The following RRAGC variants were observed in gnomAD, a reference collection of about 807,000 sequenced individuals.
RRAGC encodes Ras related GTP binding C.
RRAGC carries 8 observed loss-of-function variants against 37.1 expected under a neutral mutation model. That is an observed-to-expected ratio of 0.22 (90% CI 0.13 to 0.39). RRAGC has a LOEUF of 0.39. Among genes scored for constraint, RRAGC ranks in the 10% least tolerant of loss-of-function variants. RRAGC has a pLI of 1.00. For missense variants in RRAGC, 342 were observed against 497.6 expected, an observed-to-expected ratio of 0.69 and a Z score of 2.98; for synonymous variants, 190 against 181.1, an observed-to-expected ratio of 1.05 and a Z score of -0.39.
intron 6 of RRAGC, among the ~76,000 whole-genome samples, chr1:38,842,088 C>A (rs1641970558): frequency 6.6e-6 from 1 of 152,082 alleles, no homozygotes; most frequent in Non-Finnish European, 1.5e-5. Flanking sequence ...CTGGCTAACA[C>A]AGTGAAACCC....
chr1:38,857,867 G>A (rs1642186348), intron 1 of RRAGC, among the ~76,000 whole-genome samples: 1 of 152,174 alleles, frequency 6.6e-6, no homozygotes, highest in Non-Finnish European at 1.5e-5. Context: ...AGCTGAGGCA[G>A]GAGAATCACT....
At position 38,848,396 on chromosome 1, in the gene RRAGC, A is replaced by G. The variant is rs966755645; in HGVS notation, c.900-2309T>C. On this transcript the variant is annotated intron_variant, in intron 5 of 6. Coordinates refer to ENST00000373001, the MANE Select transcript of RRAGC (RefSeq NM_022157.4). ...GACAACCCTAAAGATGATTCCCTAA[A>G]CCAGTACCCACAGCCAGCAACTGTA... Among the ~76,000 whole-genome samples the G allele has an allele frequency of 6.1e-4, 93 of 152,122 alleles. 1 individual carries two copies. The highest frequency in any genetic ancestry group is 1.2e-4 in the Non-Finnish European group (8 of 68,014).
chr1:38,842,000 T>G (rs577439057), intron 6 of RRAGC, among the ~76,000 whole-genome samples: 1 of 150,922 alleles, frequency 6.6e-6, no homozygotes, highest in South Asian at 2.1e-4. Context: ...GCTGGGGGCG[T>G]GGTGGCGGGT....
At chr1:38,852,122 C>G (rs371450231) in intron 4 of RRAGC, among the ~76,000 whole-genome samples, 19 of 152,310 alleles carry the variant, frequency 1.2e-4, no homozygotes, top group African/African-American at 4.6e-4. Context: ...AATTACTTTG[C>G]TATCAAGAAA....
intron 4 of RRAGC, 63 bp downstream of exon 4, chr1:38,852,311 C>G: frequency 1.0e-6 from 1 of 954,460 alleles, no homozygotes; most frequent in South Asian, 1.4e-5. Context: ...TTTGAAAACA[C>G]AAATATATTC....
intron 3 of RRAGC, among the ~76,000 whole-genome samples, chr1:38,853,061 C>T (rs185541093): frequency 1.2e-4 from 18 of 152,306 alleles, no homozygotes; most frequent in Admixed American, 1.0e-3. Context: ...ATGTTAAGTT[C>T]CAGGGGAAAG....
Position 38,838,370 on chromosome 1 carries a change from T to C in RRAGC, c.*1183A>G, listed in dbSNP as rs1373456636. On this transcript the variant is annotated 3_prime_UTR_variant, in exon 7 of 7. Transcript: ENST00000373001. ...ACACTGTTAGCTTTACAGACCTGAA[T>C]ATACATATTGCATTAAACAGTGGCA... is the stretch of plus-strand genomic sequence containing the variant. 1 of 152,246 alleles carries C rather than the reference T, an allele frequency of 6.6e-6. No individual in the cohort carries two copies. Among genetic ancestry groups the C allele is most frequent in the Non-Finnish European group, 1.5e-5 (1 of 68,048 alleles). 9.4% of individuals were successfully genotyped at this position (152,246 alleles called of 1,614,324 possible). A position where few individuals can be genotyped will look rare whatever the true frequency, so the allele number is the denominator to read the frequency against.
chr1:38,839,491 C>A lies in RRAGC; in HGVS notation c.*62G>T. On this transcript the variant is annotated 3_prime_UTR_variant, in exon 7 of 7. Transcript: ENST00000373001. ...GCAGCAGCTCCCATGTCCTGTAGCA[C>A]GTGGCATCCGACCCTGGAGTGAAGA... 1 of 1,582,260 alleles carries A rather than the reference C, an allele frequency of 6.3e-7. No homozygotes were observed. Among genetic ancestry groups the A allele is most frequent in the Middle Eastern group, 1.9e-4 (1 of 5,162 alleles).
At chr1:38,853,355 T>C (rs1009541287) in intron 3 of RRAGC, among the ~76,000 whole-genome samples, 2 of 152,208 alleles carry the variant, frequency 1.3e-5, no homozygotes, top group African/African-American at 4.8e-5. Context: ...CTATCTGCTT[T>C]ATAACTCAGG....
chr1:38,848,212 T>C (rs1437882742), intron 5 of RRAGC: 1 of 152,120 alleles, frequency 6.6e-6, no homozygotes, highest in Non-Finnish European at 1.5e-5. Context: ...CATTTGCTTT[T>C]AAGAGTATAG....
intron 6 of RRAGC, among the ~76,000 whole-genome samples, chr1:38,840,675 C>G (rs1179126055): frequency 3.9e-5 from 6 of 152,066 alleles, no homozygotes; most frequent in Non-Finnish European, 8.8e-5. Flanking sequence ...CACAAGAAAA[C>G]TGCAGGGACC....
At chr1:38,854,241 G>C (rs570312472) in intron 3 of RRAGC, among the ~76,000 whole-genome samples, 4 of 152,082 alleles carry the variant, frequency 2.6e-5, no homozygotes, top group African/African-American at 9.6e-5. Context: ...CTAATTTTTT[G>C]TATTTTTAGT....
In RRAGC at chr1:38,856,783, T is replaced by A. The variant is rs984795337; in HGVS notation, c.441+96A>T. 4.1e-6 allele frequency: 5 copies of A among 1,208,844 alleles called. No individual in the cohort carries two copies. The African/African-American group carries it at 7.5e-5, about 18-fold the overall frequency. 74.9% of individuals were successfully genotyped at this position (1,208,844 alleles called of 1,614,324 possible). A position where few individuals can be genotyped will look rare whatever the true frequency, so the allele number is the denominator to read the frequency against. On this transcript the variant is annotated intron_variant, in intron 2 of 6. Coordinates refer to ENST00000373001, the MANE Select transcript of RRAGC (RefSeq NM_022157.4). The stretch of plus-strand genomic sequence containing the variant: ...GTTAGGGAATCTACTGCCAAAGAGA[T>A]AAGCTGCAACCACATGACAAAGAAG...
chr1:38,849,973 A>C (rs548606419), intron 5 of RRAGC, among the ~76,000 whole-genome samples: 1 of 149,508 alleles, frequency 6.7e-6, no homozygotes, highest in South Asian at 2.1e-4. Flanking sequence ...TTGGGAGGCC[A>C]CGGCGGGTGG....
In RRAGC at chr1:38,857,036, C is replaced by T. The variant is rs776931272; in HGVS notation, c.284G>A (p.Ser95Asn). 1 of 1,613,962 alleles carries T rather than the reference C, an allele frequency of 6.2e-7. No homozygotes were observed. Among genetic ancestry groups the T allele is most frequent in the Admixed American group, 1.7e-5 (1 of 60,006 alleles). ...GTCATCCTTATAAATCTTGTTGGTA[C>T]TTTCCAAAAAGAGGGTCTCGTTGGG... ...MSPNETLFLE[S>N]TNKIYKDDIS... The change falls in exon 2 of 7, where the codon AGT becomes AAT. Residue 95 changes from serine to asparagine, a missense_variant. Ser to Asn is a conservative substitution (Grantham distance 46). Around this residue, in one of 3 missense-constraint regions of RRAGC, gnomAD observed 134 missense variants for 277.2 expected, o/e 0.48. Coordinates refer to ENST00000373001, the MANE Select transcript of RRAGC (RefSeq NM_022157.4).
Position 38,838,620 on chromosome 1 carries a change from C to T in RRAGC, c.*933G>A, listed in dbSNP as rs1357296475. On this transcript the variant is annotated 3_prime_UTR_variant, in exon 7 of 7. Transcript: ENST00000373001. ...AATGCCTGTTGCAGCACCACGTGCTCACTCCAACTCCCAGTGGACAGTCCC... is the reference window on the plus strand; with the variant it reads ...AATGCCTGTTGCAGCACCACGTGCTTACTCCAACTCCCAGTGGACAGTCCC... 6.6e-6 allele frequency: 1 copy of T among 152,228 alleles called. No homozygotes were observed. Among genetic ancestry groups the T allele is most frequent in the Non-Finnish European group, 1.5e-5 (1 of 68,048 alleles). The allele number at this position is 152,228 out of a possible 1,614,324, so 9.4% of individuals were successfully genotyped here.
At chr1:38,847,181 T>C (rs1329497684) in intron 5 of RRAGC, 2 of 152,140 alleles carry the variant, frequency 1.3e-5, no homozygotes, top group Non-Finnish European at 2.9e-5. Context: ...AGTAAAACAA[T>C]GTATCTTTTT....
In RRAGC at chr1:38,838,393, G is replaced by A. The variant is rs1359859933; in HGVS notation, c.*1160C>T. 1.3e-5 allele frequency: 2 copies of A among 152,314 alleles called. No homozygotes were observed. Among genetic ancestry groups the A allele is most frequent in the African/African-American group, 4.8e-5 (2 of 41,570 alleles). 9.4% of individuals were successfully genotyped at this position (152,314 alleles called of 1,614,324 possible). ...AATATACATATTGCATTAAACAGTGGCACTTATGTACTCAAGTGGTCCAGT... is the reference window on the plus strand; with the variant it reads ...AATATACATATTGCATTAAACAGTGACACTTATGTACTCAAGTGGTCCAGT... On this transcript the variant is annotated 3_prime_UTR_variant, in exon 7 of 7. Coordinates refer to ENST00000373001, the MANE Select transcript of RRAGC (RefSeq NM_022157.4).
At chr1:38,857,302 T>G (rs1642179328) in intron 1 of RRAGC, among the ~76,000 whole-genome samples, 1 of 152,168 alleles carries the variant, frequency 6.6e-6, no homozygotes, top group South Asian at 2.1e-4. Context: ...GAGCTAAATC[T>G]TTTCTCCTAT....
Sources: allele counts gnomAD v4.1 joint callset (sites outside exome capture counted in the v4.1 genomes callset), GRCh38; gene constraint gnomAD v4.1.1; regional missense constraint gnomAD v4.1.1; transcripts MANE v1.5; gene names NCBI Gene and HGNC (gene_info 2026-07-23, HGNC 2026-07-21).